The following ACAP3 variants were observed in gnomAD, a reference collection of about 807,000 sequenced individuals.
ACAP3 encodes ArfGAP with coiled-coil, ankyrin repeat and PH domains 3, also known as arf-GAP with coiled-coil, ANK repeat and PH domain-containing protein 3.
Under a neutral mutation model 104.1 loss-of-function variants are expected in ACAP3, and 56 were observed. The ratio of observed to expected loss-of-function variants is 0.54; its 90% confidence interval spans 0.43 to 0.67. ACAP3 has a LOEUF of 0.67. ACAP3 is among the 30% of genes least tolerant of loss of function. ACAP3 has a pLI of 0.00. For synonymous variants in ACAP3, 628 were observed against 496.2 expected, an observed-to-expected ratio of 1.27 and a Z score of -3.53; for missense variants, 1,208 against 1,174.9, an observed-to-expected ratio of 1.03 and a Z score of -0.41.
chr1:1,294,469 C>T lies in ACAP3; in HGVS notation c.2072G>A (p.Gly691Glu). The change falls in exon 21 of 24, where the codon GGG becomes GAG. Residue 691 changes from glycine to glutamate, a missense_variant. Transcript: ENST00000354700. ...LPALAAALAHGAEVNWADAED... is the reference protein window; with the variant it reads ...LPALAAALAHEAEVNWADAED... Reference sequence around the variant, plus strand: ...CGCGTCCGCCCAGTTGACCTCGGCCCCGTGGGCCAGCGCCGCCGCCAGCGC... The same window carrying T: ...CGCGTCCGCCCAGTTGACCTCGGCCTCGTGGGCCAGCGCCGCCGCCAGCGC... The T allele has an allele frequency of 6.4e-7, 1 of 1,559,632 alleles. No individual in the cohort carries two copies. Among genetic ancestry groups the T allele is most frequent in the Non-Finnish European group, 8.6e-7 (1 of 1,159,280 alleles).
In ACAP3 at chr1:1,293,373, G is replaced by T; in HGVS notation, c.*191C>A. On this transcript the variant is annotated 3_prime_UTR_variant, in exon 24 of 24. Transcript: ENST00000354700. ...GCAGCACCCCCCCAGGGAAACGTGA[G>T]GCTTCAAGAGACTCAGTGTGGGGCC... The T allele has an allele frequency of 2.1e-6, 1 of 468,358 alleles. No homozygotes were observed. The highest frequency in any genetic ancestry group is 3.3e-6 in the Non-Finnish European group (1 of 306,040). 29.0% of individuals were successfully genotyped at this position (468,358 alleles called of 1,614,324 possible). A position where few individuals can be genotyped will look rare whatever the true frequency, so the allele number is the denominator to read the frequency against.
chr1:1,295,460 C>T lies in ACAP3; in HGVS notation c.1800G>A (p.Gly600=). The change falls in exon 19 of 24, where the codon GGG becomes GGA. Residue 600 remains glycine, a synonymous_variant. Transcript: ENST00000354700. ...CCCCACACTTACTGCGAGGGCCAGC[C>T]CCTGCGGCCCCTGCGTCGAAGTAGG... ...LFSYFDAGAA[G]AGPRSLSSDS... 2 of 1,612,456 alleles carry T rather than the reference C, an allele frequency of 1.2e-6. No individual in the cohort carries two copies. Among genetic ancestry groups the T allele is most frequent in the Non-Finnish European group, 1.7e-6 (2 of 1,179,808 alleles).
intron 6 of ACAP3, 53 bp downstream of exon 6, chr1:1,300,456 G>A (rs1641394695): frequency 2.0e-6 from 3 of 1,532,458 alleles, no homozygotes; most frequent in African/African-American, 1.4e-5. Context: ...GGCCGTTGAG[G>A]CCTCCATTCG....
intron 1 of ACAP3, among the ~76,000 whole-genome samples, chr1:1,306,825 T>C (rs1641733280): frequency 6.6e-6 from 1 of 152,070 alleles, no homozygotes; most frequent in African/African-American, 2.4e-5. Flanking sequence ...GTGTACAAGG[T>C]GATGTGTCTA....
In ACAP3 at chr1:1,298,366, A is replaced by G; in HGVS notation, c.915+4T>C. The G allele has an allele frequency of 1.9e-6, 3 of 1,605,080 alleles. No homozygotes were observed. The highest frequency in any genetic ancestry group is 1.7e-6 in the Non-Finnish European group (2 of 1,175,892). On this transcript the variant is annotated splice_donor_region_variant and intron_variant, in intron 12 of 23. Transcript: ENST00000354700. ...AGGGCCCCAGCCCCAGGCCCAGGGC[A>G]CACCTTGAGCTTCTTCTGGTAGACC...
Position 1,294,617 on chromosome 1 carries a change from A to C in ACAP3, c.1924T>G (p.Ser642Ala), listed in dbSNP as rs1310682363. The C allele has an allele frequency of 6.5e-7, 1 of 1,530,582 alleles. No individual in the cohort carries two copies. The highest frequency in any genetic ancestry group is 8.8e-7 in the Non-Finnish European group (1 of 1,138,532). The allele number at this position is 1,530,582 out of a possible 1,614,324, so 94.8% of individuals were successfully genotyped here. A position where few individuals can be genotyped will look rare whatever the true frequency, so the allele number is the denominator to read the frequency against. Residue 642 changes from serine to alanine, a missense_variant, in exon 21 of 24, where the codon TCG (serine) becomes GCG (alanine). Transcript: ENST00000354700. ...TCTGCCTCACCGCTGGACTCCTCCGACTCTGCACCCTCTGTGGGGAGGGGG... is the reference window on the plus strand; with the variant it reads ...TCTGCCTCACCGCTGGACTCCTCCGCCTCTGCACCCTCTGTGGGGAGGGGG... ...DSVTEEEGAE[S>A]EESSGEADGD...
chr1:1,296,711 C>G, intron 14 of ACAP3, 78 bp from the exon 15 acceptor site: 1 of 1,440,494 alleles, frequency 6.9e-7, no homozygotes, highest in Non-Finnish European at 9.4e-7. Context: ...CCTCCCCAGC[C>G]AGAAGAGCCA....
In ACAP3 at chr1:1,298,643, C is replaced by A; in HGVS notation, c.787G>T (p.Val263Leu). 1 of 1,612,470 alleles carries A rather than the reference C, an allele frequency of 6.2e-7. No individual in the cohort carries two copies. The highest frequency in any genetic ancestry group is 8.5e-7 in the Non-Finnish European group (1 of 1,179,832). The stretch of plus-strand genomic sequence containing the variant: ...ATCACCACCCCACTGGGCGCGTCCA[C>A]GTCAAACTCCACTTTGGACTCATCG... ...SYDESKVEFD[V>L]DAPSGVVMEG... Residue 263 changes from valine (V) to leucine (L), a missense_variant, in exon 11 of 24, where the codon GTG (valine) becomes TTG (leucine). Val to Leu is a conservative substitution (Grantham distance 32, BLOSUM62 1). Coordinates refer to ENST00000354700, the MANE Select transcript of ACAP3 (RefSeq NM_030649.3).
Position 1,294,106 on chromosome 1 carries a change from G to T in ACAP3, c.2233C>A (p.Leu745Met), listed in dbSNP as rs1413550371. ...RGRAPLHHAT[L>M]LGRTGQVCLF... is the part of the protein sequence containing the mutation. ...GCGTCTCACCCGGTGCGGCCCAGCA[G>T]CGTGGCGTGGTGCAGGGGCGCCCGG... The change falls in exon 22 of 24, where the codon CTG becomes ATG. Residue 745 changes from leucine (L) to methionine (M), a missense_variant. Physicochemically the swap from Leu to Met is conservative, Grantham distance 15 (BLOSUM62 2). Transcript: ENST00000354700. 3.2e-6 allele frequency: 5 copies of T among 1,581,244 alleles called. No homozygotes were observed. The highest frequency in any genetic ancestry group is 3.4e-6 in the Non-Finnish European group (4 of 1,163,562).
chr1:1,300,116 C>T lies in ACAP3; in HGVS notation c.567+42G>A, dbSNP rs200832308. 1.6e-5 allele frequency: 25 copies of T among 1,607,764 alleles called. No individual in the cohort carries two copies. The Middle Eastern group carries it at 5.0e-4, about 32-fold the overall frequency. ...GCCCAAGCACACCCGGTCCAGCCCCCAACATGCAGCCTGTGCTCAGGGGCA... is the reference window on the plus strand; with the variant it reads ...GCCCAAGCACACCCGGTCCAGCCCCTAACATGCAGCCTGTGCTCAGGGGCA... On this transcript the variant is annotated intron_variant, in intron 7 of 23. Transcript: ENST00000354700.
intron 9 of ACAP3, 63 bp downstream of exon 9, chr1:1,299,768 G>A: frequency 6.7e-7 from 1 of 1,483,204 alleles, no homozygotes. Context: ...TGCCGGGCAT[G>A]GGGTGAGGAC....
In ACAP3 at chr1:1,293,922, A is replaced by AG; in HGVS notation, c.2260dup (p.Leu754ProfsTer30). The AG allele has an allele frequency of 6.4e-7, 1 of 1,573,504 alleles. No homozygotes were observed. Among genetic ancestry groups the AG allele is most frequent in the Non-Finnish European group, 8.6e-7 (1 of 1,162,426 alleles). On this transcript the variant is annotated frameshift_variant, in exon 23 of 24. Coordinates refer to ENST00000354700, the MANE Select transcript of ACAP3 (RefSeq NM_030649.3). LOFTEE classifies it high-confidence loss of function. Reference sequence around the variant, plus strand: ...CTGGTCCGCGCCCCGCTTCAGGAACAGGCAAACCTGGCTGAGGGGCGAGGT... The same window carrying AG: ...CTGGTCCGCGCCCCGCTTCAGGAACAGGGCAAACCTGGCTGAGGGGCGAGGT...
In ACAP3 at chr1:1,297,821, C is replaced by A. The variant is rs745447777; in HGVS notation, c.1128+1G>T. 8 of 1,610,450 alleles carry A rather than the reference C, an allele frequency of 5.0e-6. No individual in the cohort carries two copies. On this transcript the variant is annotated splice_donor_variant, in intron 14 of 23. Coordinates refer to ENST00000354700, the MANE Select transcript of ACAP3 (RefSeq NM_030649.3). LOFTEE classifies it high-confidence loss of function. ...TGGGGCAGGGGCACCAAGGGCCACACCTCGCTATAGCAACTGTCAGGGCTC... is the reference window on the plus strand; with the variant it reads ...TGGGGCAGGGGCACCAAGGGCCACAACTCGCTATAGCAACTGTCAGGGCTC...
In ACAP3 at chr1:1,303,179, C is replaced by G; in HGVS notation, c.208G>C (p.Gly70Arg). The change falls in exon 3 of 24, where the codon GGC becomes CGC. Residue 70 changes from glycine to arginine, a missense_variant. Physicochemically the swap from Gly to Arg is moderately radical, Grantham distance 125 (BLOSUM62 -2). Coordinates refer to ENST00000354700, the MANE Select transcript of ACAP3 (RefSeq NM_030649.3). The surrounding 1 kb of genome is among the most constrained non-coding windows in gnomAD (Gnocchi z 4.0). The part of the protein sequence containing the change: ...GVRDLSQQCQ[G>R]DTVISECLQR... ...CCCCTCACCGAGATGACGGTGTCGC[C>G]CTGGCACTGCTGGGACAGGTCGCGG... 1 of 1,604,872 alleles carries G rather than the reference C, an allele frequency of 6.2e-7. No homozygotes were observed. Among genetic ancestry groups the G allele is most frequent in the South Asian group, 1.1e-5 (1 of 89,304 alleles).
chr1:1,293,656 C>T lies in ACAP3; in HGVS notation c.2413G>A (p.Gly805Ser). 1 of 1,475,680 alleles carries T rather than the reference C, an allele frequency of 6.8e-7. No homozygotes were observed. Among genetic ancestry groups the T allele is most frequent in the Non-Finnish European group, 8.9e-7 (1 of 1,122,098 alleles). 91.4% of individuals were successfully genotyped at this position (1,475,680 alleles called of 1,614,324 possible). A position where few individuals can be genotyped will look rare whatever the true frequency, so the allele number is the denominator to read the frequency against. The part of the protein sequence containing the change: ...EEMREAEAAP[G>S]PPGALAGSPT... Reference sequence around the variant, plus strand: ...CTGCCCGCCAGGGCGCCCGGGGGACCAGGGGCAGCCTCGGCCTCGCGCATT... The same window carrying T: ...CTGCCCGCCAGGGCGCCCGGGGGACTAGGGGCAGCCTCGGCCTCGCGCATT... The change falls in exon 24 of 24, where the codon GGT (glycine) becomes AGT (serine). Residue 805 changes from glycine to serine, a missense_variant. Physicochemically the swap from Gly to Ser is moderately conservative, Grantham distance 56. Coordinates refer to ENST00000354700, the MANE Select transcript of ACAP3 (RefSeq NM_030649.3).
At position 1,298,133 on chromosome 1, in the gene ACAP3, G is replaced by T; in HGVS notation, c.916-20C>A. The T allele has an allele frequency of 6.3e-7, 1 of 1,592,594 alleles. No homozygotes were observed. Among genetic ancestry groups the T allele is most frequent in the South Asian group, 1.1e-5 (1 of 88,604 alleles). On this transcript the variant is annotated intron_variant, in intron 12 of 23. Coordinates refer to ENST00000354700, the MANE Select transcript of ACAP3 (RefSeq NM_030649.3). Reference sequence around the variant, plus strand: ...GGCATCCTGTGGGCGGCACCGCTGTGGCCCCTGCCCTCAGCCACCACCCGG... The same window carrying T: ...GGCATCCTGTGGGCGGCACCGCTGTTGCCCCTGCCCTCAGCCACCACCCGG...
chr1:1,299,132 C>T (rs1641329553), intron 10 of ACAP3: 1 of 642,882 alleles, frequency 1.6e-6, no homozygotes. Context: ...CTCCCCAGGC[C>T]ACATGGGATG....
intron 10 of ACAP3, 126 bp from the exon 11 acceptor site, chr1:1,298,805 G>A (rs768504111): frequency 7.0e-6 from 5 of 709,738 alleles, no homozygotes; most frequent in South Asian, 4.7e-5. Context: ...CGGACCACAC[G>A]CTCAGACGAG....
chr1:1,296,508 G>C lies in ACAP3; in HGVS notation c.1254C>G (p.Cys418Trp). 1.3e-6 allele frequency: 2 copies of C among 1,541,384 alleles called. No homozygotes were observed. The highest frequency in any genetic ancestry group is 1.2e-5 in the South Asian group (1 of 84,054). Residue 418 changes from cysteine (C) to tryptophan (W), a missense_variant, in exon 15 of 24, where the codon TGC becomes TGG. Coordinates refer to ENST00000354700, the MANE Select transcript of ACAP3 (RefSeq NM_030649.3). ...RVQSVAGNSQ[C>W]GDCGQPDPRW... ...GGGGGTCCGGCTGGCCGCAGTCGCC[G>C]CACTGGCTGTTGCCGGCCACACTCT... is the stretch of plus-strand genomic sequence containing the variant.
Sources: gnomAD v4.1 joint callset for allele counts (sites outside exome capture counted in the v4.1 genomes callset) on GRCh38, gnomAD v4.1.1 for gene constraint, Gnocchi (gnomAD v3.1) non-coding constraint, MANE v1.5 for transcripts, NCBI Gene and HGNC (gene_info 2026-07-23, HGNC 2026-07-21) for gene names.